IRGM: variants seen among roughly 807,000 people sequenced by gnomAD.
IRGM encodes immunity related GTPase M, also known as immunity-related GTPase family M protein.
For synonymous variants in IRGM, 98 were observed against 80.6 expected (o/e 1.22, Z -1.16); for missense variants, 288 against 219.9 (o/e 1.31, Z -1.96).
At chr5:150,893,328 T>C (rs979621195) in intron 3 of IRGM, among the ~76,000 whole-genome samples, 2 of 152,218 alleles carry the variant, frequency 1.3e-5, no homozygotes, top group East Asian at 1.9e-4. Flanking sequence ...ATTGCCTTAA[T>C]TACCACTGTT....
chr5:150,857,297 T>C (rs1244705798), intron 1 of IRGM, among the ~76,000 whole-genome samples: 2 of 152,196 alleles, frequency 1.3e-5, no homozygotes, highest in Non-Finnish European at 2.9e-5. Context: ...TTCCATGTTG[T>C]ATATGTGCCA....
At chr5:150,871,979 A>C (rs928495499) in intron 1 of IRGM, among the ~76,000 whole-genome samples, 2 of 152,104 alleles carry the variant, frequency 1.3e-5, no homozygotes, top group Non-Finnish European at 2.9e-5. Context: ...TTTATGTTTG[A>C]TTTGACATTC....
At chr5:150,856,486 ACT>A (rs890764862) in intron 1 of IRGM, among the ~76,000 whole-genome samples, 4 of 151,750 alleles carry the variant, frequency 2.6e-5, no homozygotes, top group Non-Finnish European at 4.4e-5. Context: ...TCAAAATTCT[ACT>A]CTCTCTAAGG....
chr5:150,875,515 A>T (rs780960972), intron 1 of IRGM, among the ~76,000 whole-genome samples: 3 of 152,204 alleles, frequency 2.0e-5, no homozygotes, highest in Non-Finnish European at 4.4e-5. Flanking sequence ...AAACTGTGAC[A>T]TTTGTATCCC....
rs953565736 is a variant in IRGM, at chr5:150,899,411, A to AT, written c.*141-1169dup. Among the ~76,000 whole-genome samples the AT allele has an allele frequency of 3.4e-4, 52 of 150,932 alleles. No individual in the cohort carries two copies. The South Asian group carries it at 4.6e-3, about 13-fold the overall frequency. On this transcript the variant is annotated intron_variant and NMD_transcript_variant, in intron 3 of 3. Transcript: ENST00000520549. Reference sequence around the variant, plus strand: ...GAGCAGAAATGCCCTTTGTAAGTACATTTTTTTTTAAAAAAAGAAAAGCTA... The same window carrying AT: ...GAGCAGAAATGCCCTTTGTAAGTACATTTTTTTTTTAAAAAAAGAAAAGCTA...
intron 3 of IRGM, chr5:150,898,145 T>G (rs1754862892): frequency 6.2e-7 from 1 of 1,613,474 alleles, no homozygotes; most frequent in South Asian, 1.1e-5. Context: ...TTCTCCTTGT[T>G]CCAACTTGGA....
At chr5:150,882,065 C>G (rs774718907) in intron 3 of IRGM, among the ~76,000 whole-genome samples, 1 of 151,700 alleles carries the variant, frequency 6.6e-6, no homozygotes, top group African/African-American at 2.4e-5. Flanking sequence ...ACCTGTAGTC[C>G]CAGCTACTCA....
chr5:150,882,671 C>A (rs1240529414), intron 3 of IRGM, among the ~76,000 whole-genome samples: 1 of 152,126 alleles, frequency 6.6e-6, no homozygotes, highest in Non-Finnish European at 1.5e-5. Context: ...GAAGATATAA[C>A]AATTGTGAAT....
chr5:150,848,406 G>A lies in IRGM; in HGVS notation c.283G>A (p.Gly95Arg). 1 of 1,551,868 alleles carries A rather than the reference G, an allele frequency of 6.4e-7. No homozygotes were observed. Among genetic ancestry groups the A allele is most frequent in the Non-Finnish European group, 8.7e-7 (1 of 1,146,988 alleles). ...GGTGTTGTGGGACCTGCCTGGCACAGGGTCTGCCACCACAACCCTGGAGAA... is the reference window on the plus strand; with the variant it reads ...GGTGTTGTGGGACCTGCCTGGCACAAGGTCTGCCACCACAACCCTGGAGAA... ...NVVLWDLPGT[G>R]SATTTLENYL... Residue 95 changes from glycine to arginine, a missense_variant, in exon 2 of 2, where the codon GGG becomes AGG. Transcript: ENST00000522154.
At chr5:150,860,600 T>G (rs1483107189) in intron 1 of IRGM, among the ~76,000 whole-genome samples, 2 of 152,198 alleles carry the variant, frequency 1.3e-5, no homozygotes, top group Non-Finnish European at 2.9e-5. Context: ...AAAGAGTTAA[T>G]AATTATGCAG....
At chr5:150,865,933 T>A (rs1162574345) in intron 1 of IRGM, among the ~76,000 whole-genome samples, 1 of 152,066 alleles carries the variant, frequency 6.6e-6, no homozygotes, top group African/African-American at 2.4e-5. Context: ...ATTTTTGTAT[T>A]TTTGGTAGAG....
chr5:150,856,581 A>G (rs770703963), intron 1 of IRGM, among the ~76,000 whole-genome samples: 16 of 152,044 alleles, frequency 1.1e-4, no homozygotes, highest in African/African-American at 3.4e-4. Context: ...ATATCTACCA[A>G]TTGGGGTAGT....
At chr5:150,870,956 C>A (rs1484481767) in intron 1 of IRGM, among the ~76,000 whole-genome samples, 2 of 151,298 alleles carry the variant, frequency 1.3e-5, no homozygotes, top group Non-Finnish European at 2.9e-5. Flanking sequence ...GGAATGAGGT[C>A]TCTGAAATGG....
chr5:150,892,141 T>C (rs1009526466), intron 3 of IRGM, among the ~76,000 whole-genome samples: 1 of 152,120 alleles, frequency 6.6e-6, no homozygotes, highest in Admixed American at 6.6e-5. Flanking sequence ...AAGTCATTTT[T>C]GAACACTAAA....
chr5:150,849,225 A>G (rs1488226811), downstream of IRGM, among the ~76,000 whole-genome samples: 1 of 152,208 alleles, frequency 6.6e-6, no homozygotes, highest in Non-Finnish European at 1.5e-5. Context: ...AATAGTAACC[A>G]TGTTAAAGGG....
chr5:150,895,150 T>A (rs1192429074), intron 3 of IRGM: 1 of 314,492 alleles, frequency 3.2e-6, no homozygotes. Context: ...ATAAGGAATA[T>A]GCAACTTGAC....
chr5:150,863,536 G>T (rs1189791099), intron 1 of IRGM, among the ~76,000 whole-genome samples: 3 of 152,194 alleles, frequency 2.0e-5, no homozygotes, highest in Non-Finnish European at 2.9e-5. Flanking sequence ...CCTGATAGAT[G>T]TAAATATATG....
At chr5:150,884,997 A>G (rs1271514686) in intron 3 of IRGM, among the ~76,000 whole-genome samples, 1 of 152,072 alleles carries the variant, frequency 6.6e-6, no homozygotes, top group African/African-American at 2.4e-5. Flanking sequence ...GCCCATTCCT[A>G]TATCCAGGAT....
At chr5:150,849,551 G>T (rs1233150625), downstream of IRGM, among the ~76,000 whole-genome samples, 1 of 151,266 alleles carries the variant, frequency 6.6e-6, no homozygotes, top group Non-Finnish European at 1.5e-5. Context: ...ATGATCATCA[G>T]GCTGGATTTT....
Sources: gnomAD v4.1 joint callset for allele counts (sites outside exome capture counted in the v4.1 genomes callset) on GRCh38, gnomAD v4.1.1 for gene constraint, MANE v1.5 for transcripts, NCBI Gene and HGNC (gene_info 2026-07-23, HGNC 2026-07-21) for gene names.